CEP162: variants seen among roughly 807,000 people sequenced by gnomAD.
CEP162 encodes centrosomal protein of 162 kDa.
In CEP162, 141 loss-of-function variants were observed where a neutral mutation model predicts 169.2. The ratio of observed to expected loss-of-function variants is 0.83; its 90% confidence interval spans 0.73 to 0.96. The LOEUF is 0.96. Ranked by LOEUF, CEP162 falls within the 40% of genes least tolerant of loss-of-function variation. The probability of loss-of-function intolerance (pLI) is 0.00; values close to 1 mark genes in which losing one functional copy is unlikely to be tolerated. For synonymous variants in CEP162, 540 were observed against 526.4 expected (o/e 1.03, Z -0.35); for missense variants, 1,600 against 1,587.2 (o/e 1.01, Z -0.14).
At chr6:84,159,570 T>A (rs1377728031) in intron 21 of CEP162, among the ~76,000 whole-genome samples, 1 of 83,202 alleles carries the variant, frequency 1.2e-5, no homozygotes, top group Non-Finnish European at 2.3e-5. Flanking sequence ...TTTTTTTTTT[T>A]TTTTTTTTTT....
Position 84,186,625 on chromosome 6 carries a change from T to G in CEP162, c.1110-2A>C, listed in dbSNP as rs766696549. ...TTTCTTTCGGCCACTTTCTCAGAGCTATAAAACAAAACAGGACACAGATAA... is the reference window on the plus strand; with the variant it reads ...TTTCTTTCGGCCACTTTCTCAGAGCGATAAAACAAAACAGGACACAGATAA... On this transcript the variant is annotated splice_acceptor_variant, in intron 11 of 26. Coordinates refer to ENST00000403245, the MANE Select transcript of CEP162 (RefSeq NM_014895.4). LOFTEE classifies it high-confidence loss of function. 1 of 1,594,618 alleles carries G rather than the reference T, an allele frequency of 6.3e-7. No individual in the cohort carries two copies.
chr6:84,218,248 G>C (rs965703793), intron 3 of CEP162, among the ~76,000 whole-genome samples: 7 of 152,232 alleles, frequency 4.6e-5, no homozygotes, highest in African/African-American at 1.7e-4. Context: ...ACAGAAGCAT[G>C]ACAATGGGAG....
intron 11 of CEP162, among the ~76,000 whole-genome samples, chr6:84,188,508 T>C (rs1278846475): frequency 1.3e-5 from 2 of 152,180 alleles, no homozygotes; most frequent in Admixed American, 1.3e-4. Context: ...CTGCATTAGT[T>C]TGCTTAGGAC....
At chr6:84,133,905 A>G in intron 25 of CEP162, among the ~76,000 whole-genome samples, 1 of 152,158 alleles carries the variant, frequency 6.6e-6, no homozygotes, top group East Asian at 1.9e-4. Flanking sequence ...CTGGTACCTC[A>G]GTTGGAAGTT....
Position 84,218,545 on chromosome 6 carries a change from TTTTAATA to T in CEP162, c.172+2505_172+2511del, listed in dbSNP as rs1484747700. 3.3e-5 allele frequency among the ~76,000 whole-genome samples: 5 copies of T among 152,336 alleles called. No homozygotes were observed. In the South Asian group the frequency reaches 8.3e-4, roughly 25 times the overall value. ...TAATGTTTTATTTTTGTTTTTTGCTTTTTAATATTCTTTTGTTCTTTGTTTTCTTCAA... is the reference window on the plus strand; with the variant it reads ...TAATGTTTTATTTTTGTTTTTTGCTTTTCTTTTGTTCTTTGTTTTCTTCAA... On this transcript the variant is annotated intron_variant, in intron 3 of 26. Coordinates refer to ENST00000403245, the MANE Select transcript of CEP162 (RefSeq NM_014895.4).
chr6:84,196,950 C>T (rs879349201), intron 9 of CEP162, among the ~76,000 whole-genome samples: 1 of 152,140 alleles, frequency 6.6e-6, no homozygotes, highest in Non-Finnish European at 1.5e-5. Context: ...CAGAGATTTT[C>T]AAGAGGACAT....
chr6:84,180,077 T>C lies in CEP162; in HGVS notation c.1664-4730A>G, dbSNP rs186820187. The stretch of plus-strand genomic sequence containing the variant: ...TTTAGACCAATGCCCCTGATGAACA[T>C]TGATGCAAAAATCCTCAATGAAATA... On this transcript the variant is annotated intron_variant, in intron 13 of 26. Transcript: ENST00000403245. Among the ~76,000 whole-genome samples the C allele has an allele frequency of 4.0e-3, 615 of 152,280 alleles. 4 individuals are homozygous for C. The highest frequency in any genetic ancestry group is 5.3e-3 in the Non-Finnish European group (360 of 68,014).
At chr6:84,200,126 G>A (rs531645666) in intron 9 of CEP162, among the ~76,000 whole-genome samples, 41 of 152,176 alleles carry the variant, frequency 2.7e-4, no homozygotes, top group Admixed American at 2.3e-3. Context: ...GGTGGCAAGC[G>A]CCTGTAGTCC....
intron 15 of CEP162, 130 bp downstream of exon 15, chr6:84,174,597 A>G (rs2099531602): frequency 1.7e-6 from 1 of 583,076 alleles, no homozygotes; most frequent in Non-Finnish European, 2.9e-6. Context: ...GAACCATTCT[A>G]TATTTTATAC....
chr6:84,196,939 G>A (rs778365499), intron 9 of CEP162, among the ~76,000 whole-genome samples: 3 of 152,182 alleles, frequency 2.0e-5, no homozygotes, highest in African/African-American at 4.8e-5. Context: ...CAGTTGAAGG[G>A]CAGAGATTTT....
intron 11 of CEP162, among the ~76,000 whole-genome samples, chr6:84,188,987 G>A (rs755944402): frequency 5.9e-5 from 9 of 151,786 alleles, no homozygotes; most frequent in Non-Finnish European, 1.2e-4. Context: ...GATTAGTGAT[G>A]TTGAGCATTT....
chr6:84,187,240 A>G (rs2099537557), intron 11 of CEP162, among the ~76,000 whole-genome samples: 1 of 152,204 alleles, frequency 6.6e-6, no homozygotes, highest in African/African-American at 2.4e-5. Context: ...AGAAGATACA[A>G]CGTAAGGAAA....
rs1256044213 is a variant in CEP162 at position 84,155,457 on chromosome 6, A to G, written c.2835T>C (p.Ala945=). ...CAGCTGCTGATGCAGCCAATATTAA[A>G]GCAGGTAAAGAATTGGGATATCTTC... The part of the protein sequence containing the change: ...LKRRYPNSLP[A]LILAASAAGD... The change falls in exon 22 of 27, where the codon GCT becomes GCC. Residue 945 remains alanine, a synonymous_variant. Coordinates refer to ENST00000403245, the MANE Select transcript of CEP162 (RefSeq NM_014895.4). 6 of 1,613,298 alleles carry G rather than the reference A, an allele frequency of 3.7e-6. No homozygotes were observed. Among genetic ancestry groups the G allele is most frequent in the Non-Finnish European group, 8.5e-7 (1 of 1,179,508 alleles).
chr6:84,208,019 A>ATTTTTTTTTTT (rs375738078), intron 6 of CEP162, among the ~76,000 whole-genome samples: 1 of 132,902 alleles, frequency 7.5e-6, no homozygotes, highest in African/African-American at 2.8e-5. Flanking sequence ...AGGTTGATTG[A>ATTTTTTTTTTT]TTTTTTTTTT....
chr6:84,185,555 G>A, intron 12 of CEP162, 107 bp from the exon 13 acceptor site: 2 of 994,334 alleles, frequency 2.0e-6, no homozygotes. Context: ...AAATAATGTA[G>A]TTTGTAAAAG....
intron 18 of CEP162, among the ~76,000 whole-genome samples, chr6:84,164,853 A>C (rs1267183716): frequency 6.6e-6 from 1 of 152,096 alleles, no homozygotes; most frequent in Non-Finnish European, 1.5e-5. Flanking sequence ...CCCAGAACTT[A>C]AAGTAAAATA....
chr6:84,202,518 CTTTTTTTTTTTTTT>C (rs70987776), intron 7 of CEP162, among the ~76,000 whole-genome samples: 7 of 90,776 alleles, frequency 7.7e-5, no homozygotes, highest in African/African-American at 2.9e-4. Flanking sequence ...TTCTTTCTTT[CTTTTTTTTTTTTTT>C]TTTTTTTTTT....
Position 84,202,518 on chromosome 6 carries a change from CTTTTTTTTT to C in CEP162, c.688-760_688-752del, listed in dbSNP as rs70987776. 7.7e-5 allele frequency among the ~76,000 whole-genome samples: 7 copies of C among 90,744 alleles called. No individual in the cohort carries two copies. The East Asian group carries it at 1.5e-3, about 19-fold the overall frequency. The allele number at this position is 90,744 out of a possible 152,430, so 59.5% of individuals were successfully genotyped here. A position where few individuals can be genotyped will look rare whatever the true frequency, so the allele number is the denominator to read the frequency against. On this transcript the variant is annotated intron_variant, in intron 7 of 26. Transcript: ENST00000403245. ...CATTTTTCTTTTCTTTTCTTTCTTT[CTTTTTTTTT>C]TTTTTTTTTTTTTTTTTTGAGACAG...
chr6:84,186,020 A>T (rs2099536986), intron 12 of CEP162, among the ~76,000 whole-genome samples: 1 of 152,178 alleles, frequency 6.6e-6, no homozygotes, highest in Non-Finnish European at 1.5e-5. Context: ...AAGACTGAAC[A>T]GTGCATACTA....
Sources: gnomAD v4.1 joint callset for allele counts (sites outside exome capture counted in the v4.1 genomes callset) on GRCh38, gnomAD v4.1.1 for gene constraint, MANE v1.5 for transcripts, NCBI Gene and HGNC (gene_info 2026-07-23, HGNC 2026-07-21) for gene names.